The following CNTNAP2 variants were observed in gnomAD, a reference collection of about 807,000 sequenced individuals.
CNTNAP2 encodes the protein contactin associated protein 2, also known as contactin-associated protein-like 2.
A neutral mutation model predicts 155.2 loss-of-function variants in CNTNAP2; 98 were observed. The ratio of observed to expected loss-of-function variants is 0.63; its 90% CI spans 0.54 to 0.75. The LOEUF (loss-of-function observed/expected upper bound fraction) is 0.75. Ranked by LOEUF, CNTNAP2 falls within the 30% of genes least tolerant of loss-of-function variation. The pLI is 0.00. For missense variants in CNTNAP2, 1,727 were observed against 1,688.1 expected (o/e 1.02, Z -0.40); for synonymous variants, 651 against 631.2 (o/e 1.03, Z -0.47).
intron 15 of CNTNAP2, among the ~76,000 whole-genome samples, chr7:148,049,410 T>A (rs1196631709): frequency 2.7e-5 from 4 of 150,790 alleles, no homozygotes; most frequent in Non-Finnish European, 5.9e-5. Context: ...ATTCTAGATA[T>A]ACACTCCTGC....
chr7:148,048,203 C>T lies in CNTNAP2; in HGVS notation c.2384-69915C>T, dbSNP rs535475190. ...CCTCCCAAAGTGCTGGGATTACAGG[C>T]GTGAGCCACCACACCCAGCCACTGG... On this transcript the variant is annotated intron_variant, in intron 15 of 23. Coordinates refer to ENST00000361727, the MANE Select transcript of CNTNAP2 (RefSeq NM_014141.6). 2.0e-4 allele frequency among the ~76,000 whole-genome samples: 31 copies of T among 151,876 alleles called. No individual in the cohort carries two copies. In the East Asian group the frequency reaches 5.1e-3, roughly 25 times the overall value.
chr7:146,352,318 A>G (rs1794927216), intron 1 of CNTNAP2, among the ~76,000 whole-genome samples: 2 of 152,198 alleles, frequency 1.3e-5, no homozygotes, highest in Admixed American at 1.3e-4. Flanking sequence ...TTCTTTTAGA[A>G]TAGTCTTAGA....
intron 1 of CNTNAP2, among the ~76,000 whole-genome samples, chr7:146,587,997 C>CAT (rs1554452455): frequency 2.2e-5 from 3 of 135,882 alleles, no homozygotes; most frequent in East Asian, 4.8e-4. Context: ...TCAAACAAAC[C>CAT]GTGTGTGTAT....
At chr7:146,706,568 G>A (rs1272499934) in intron 1 of CNTNAP2, among the ~76,000 whole-genome samples, 2 of 152,022 alleles carry the variant, frequency 1.3e-5, no homozygotes, top group African/African-American at 4.8e-5. Flanking sequence ...AAGTTTGGAT[G>A]TTTAATACTC....
At chr7:148,058,654 G>A (rs1001790581) in intron 15 of CNTNAP2, among the ~76,000 whole-genome samples, 14 of 152,126 alleles carry the variant, frequency 9.2e-5, no homozygotes, top group African/African-American at 3.4e-4. Context: ...CTTGACTGAG[G>A]GGACTAGGGG....
At chr7:147,457,489 G>A (rs1797936550) in intron 10 of CNTNAP2, among the ~76,000 whole-genome samples, 1 of 121,250 alleles carries the variant, frequency 8.2e-6, no homozygotes, top group South Asian at 3.2e-4. Flanking sequence ...ATTTCCCACT[G>A]TAGCGCTTAC....
At chr7:147,234,400 C>T (rs1448509308) in intron 8 of CNTNAP2, among the ~76,000 whole-genome samples, 9 of 138,434 alleles carry the variant, frequency 6.5e-5, no homozygotes, top group Admixed American at 5.5e-4. Context: ...TGCAGTGGCG[C>T]GATCTCGGCT....
intron 13 of CNTNAP2, among the ~76,000 whole-genome samples, chr7:147,709,648 C>T (rs911521472): frequency 7.2e-5 from 11 of 152,120 alleles, no homozygotes; most frequent in Admixed American, 3.9e-4. Flanking sequence ...TGATACATAC[C>T]GAGCAGCCTT....
chr7:146,569,059 C>G (rs1798400736), intron 1 of CNTNAP2, among the ~76,000 whole-genome samples: 1 of 151,836 alleles, frequency 6.6e-6, no homozygotes, highest in African/African-American at 2.4e-5. Flanking sequence ...CTCTGTCGCC[C>G]AGGCTGGAGT....
At position 146,352,750 on chromosome 7, in the gene CNTNAP2, G is replaced by GTTTTTTTTTTTTTTTTTTTTT. The variant is rs531124445; in HGVS notation, c.97+235778_97+235798dup. Among the ~76,000 whole-genome samples the GTTTTTTTTTTTTTTTTTTTTT allele has an allele frequency of 5.9e-4, 38 of 64,312 alleles. 8 individuals are homozygous for GTTTTTTTTTTTTTTTTTTTTT. The highest frequency in any genetic ancestry group is 1.4e-3 in the Admixed American group (6 of 4,200). The allele number at this position is 64,312 out of a possible 152,430, so 42.2% of individuals were successfully genotyped here. A position where few individuals can be genotyped will look rare whatever the true frequency, so the allele number is the denominator to read the frequency against. On this transcript the variant is annotated intron_variant, in intron 1 of 23. Coordinates refer to ENST00000361727, the MANE Select transcript of CNTNAP2 (RefSeq NM_014141.6). ...TTATAATTTCAATTAGCATAATTCT[G>GTTTTTTTTTTTTTTTTTTTTT]TTTTTTTTTTTTTTTTTTTTTCGAG...
chr7:147,923,211 T>C (rs150017351), intron 14 of CNTNAP2, among the ~76,000 whole-genome samples: 1 of 152,194 alleles, frequency 6.6e-6, no homozygotes, highest in Non-Finnish European at 1.5e-5. Context: ...GAACGTGACA[T>C]GTTTTTGACA....
At chr7:146,549,382 AT>A (rs1442695747) in intron 1 of CNTNAP2, among the ~76,000 whole-genome samples, 3 of 152,196 alleles carry the variant, frequency 2.0e-5, no homozygotes, top group South Asian at 4.1e-4. Flanking sequence ...TTAAGGAAAT[AT>A]TTACACAAAA....
At chr7:147,610,775 G>T (rs1335303181) in intron 12 of CNTNAP2, among the ~76,000 whole-genome samples, 1 of 152,146 alleles carries the variant, frequency 6.6e-6, no homozygotes, top group African/African-American at 2.4e-5. Context: ...GTCTAGCTCT[G>T]TTGCCTGGGC....
chr7:147,662,785 A>G (rs1171755127), intron 13 of CNTNAP2, among the ~76,000 whole-genome samples: 1 of 152,210 alleles, frequency 6.6e-6, no homozygotes, highest in Non-Finnish European at 1.5e-5. Context: ...CAGGCTAGCT[A>G]TTGGCCTCTG....
chr7:146,952,483 A>C (rs1159984752), intron 3 of CNTNAP2, among the ~76,000 whole-genome samples: 1 of 152,190 alleles, frequency 6.6e-6, no homozygotes, highest in Non-Finnish European at 1.5e-5. Flanking sequence ...AGAGGAAGTC[A>C]AATTGTCTCT....
At chr7:147,038,298 A>G (rs759825135) in intron 3 of CNTNAP2, among the ~76,000 whole-genome samples, 4 of 115,880 alleles carry the variant, frequency 3.5e-5, no homozygotes, top group South Asian at 6.4e-4. Context: ...TCTAAACCTC[A>G]AATGTCCAAT....
At chr7:146,429,734 A>T (rs1240321973) in intron 1 of CNTNAP2, among the ~76,000 whole-genome samples, 1 of 152,116 alleles carries the variant, frequency 6.6e-6, no homozygotes, top group Non-Finnish European at 1.5e-5. Flanking sequence ...ACCTTGCCTG[A>T]CTGTTCTGGA....
intron 8 of CNTNAP2, among the ~76,000 whole-genome samples, chr7:147,278,368 GTA>G (rs1488329931): frequency 6.6e-6 from 1 of 151,664 alleles, no homozygotes; most frequent in African/African-American, 2.4e-5. Context: ...AAATCAGTAA[GTA>G]CCTCAGAAGT....
At chr7:146,397,238 C>G (rs1795643236) in intron 1 of CNTNAP2, among the ~76,000 whole-genome samples, 1 of 152,118 alleles carries the variant, frequency 6.6e-6, no homozygotes, top group African/African-American at 2.4e-5. Flanking sequence ...TGGTAAATGC[C>G]TTGACTTTTC....
Sources: gnomAD v4.1 joint callset for allele counts (sites outside exome capture counted in the v4.1 genomes callset) on GRCh38, gnomAD v4.1.1 for gene constraint, MANE v1.5 for transcripts, NCBI Gene and HGNC (gene_info 2026-07-23, HGNC 2026-07-21) for gene names.